Variants in TRPS1 observed in about 807,000 individuals in gnomAD.
TRPS1 encodes zinc finger transcription factor Trps1.
TRPS1 carries 6 observed loss-of-function variants against 101.2 expected under a neutral mutation model. That is an observed-to-expected ratio of 0.06 (90% confidence interval 0.03 to 0.12). The LOEUF (loss-of-function observed/expected upper bound fraction) is 0.12. Ranked by LOEUF, TRPS1 falls within the 10% of genes least tolerant of loss-of-function variation. TRPS1 has a pLI of 1.00. For synonymous variants in TRPS1, 578 were observed against 589.8 expected (o/e 0.98, Z 0.29); for missense variants, 1,363 against 1,567.0 (o/e 0.87, Z 2.20).
chr8:115,418,918 T>C lies in TRPS1; in HGVS notation c.2701-466A>G, dbSNP rs544556921. ...TAAACTTGATTTGTGTGTTTTTGTA[T>C]GTCATTCATGTAACGTAAGTATTAC... On this transcript the variant is annotated intron_variant, in intron 5 of 6. Coordinates refer to ENST00000395715, the MANE Select transcript of TRPS1 (RefSeq NM_014112.5). The surrounding 1 kb of genome is among the most constrained non-coding windows in gnomAD (Gnocchi z 4.3). Among the ~76,000 whole-genome samples, 2 of 152,374 alleles carry C rather than the reference T, an allele frequency of 1.3e-5. No individual in the cohort carries two copies. The highest frequency in any genetic ancestry group is 4.1e-4 in the South Asian group (2 of 4,834).
chr8:115,546,061 T>C (rs1816562966), intron 5 of TRPS1, among the ~76,000 whole-genome samples: 1 of 152,082 alleles, frequency 6.6e-6, no homozygotes, highest in Non-Finnish European at 1.5e-5. Flanking sequence ...CTTTTCAAAT[T>C]GTCCACATTG....
chr8:115,443,692 C>T (rs1406621836), intron 5 of TRPS1, among the ~76,000 whole-genome samples: 6 of 152,128 alleles, frequency 3.9e-5, no homozygotes, highest in Non-Finnish European at 7.3e-5. Context: ...TAATGACATC[C>T]ACCTAGCAGG....
chr8:115,576,914 C>T (rs1463865774), intron 5 of TRPS1, among the ~76,000 whole-genome samples: 1 of 152,132 alleles, frequency 6.6e-6, no homozygotes, highest in Non-Finnish European at 1.5e-5. Flanking sequence ...ACTGTCCATC[C>T]AGACAATTTA....
At chr8:115,529,164 A>C (rs189333227) in intron 5 of TRPS1, among the ~76,000 whole-genome samples, 1 of 152,214 alleles carries the variant, frequency 6.6e-6, no homozygotes, top group Admixed American at 6.6e-5. Context: ...CTGATTGGCT[A>C]TCAGGTAAGA....
intron 4 of TRPS1, among the ~76,000 whole-genome samples, chr8:115,588,094 G>A (rs918614388): frequency 2.6e-5 from 4 of 151,962 alleles, no homozygotes; most frequent in African/African-American, 9.7e-5. Flanking sequence ...ACTAAATTGA[G>A]GATTTTTCCC....
Position 115,414,688 on chromosome 8 carries a change from T to A in TRPS1, c.3220A>T (p.Ser1074Cys). The change falls in exon 7 of 7, where the codon AGT (serine) becomes TGT (cysteine). Residue 1074 changes from serine (S) to cysteine (C), a missense_variant. This residue lies in a region of TRPS1 where 307 missense variants were observed against 392.4 expected (regional missense o/e 0.78). Transcript: ENST00000395715. This position sits in a 1 kb window ranked among gnomAD's most constrained non-coding sequence, Gnocchi z 4.8. Reference protein sequence around the residue: ...NSSSVSEGKGSSERGSPIEKY... With the variant: ...NSSSVSEGKGCSERGSPIEKY... Reference sequence around the variant, plus strand: ...TCTATAGGACTGCCTCTCTCAGAACTTCCTTTCCCTTCAGATACGGATGAA... The same window carrying A: ...TCTATAGGACTGCCTCTCTCAGAACATCCTTTCCCTTCAGATACGGATGAA... 2 of 1,614,064 alleles carry A rather than the reference T, an allele frequency of 1.2e-6. No individual in the cohort carries two copies. The highest frequency in any genetic ancestry group is 1.7e-6 in the Non-Finnish European group (2 of 1,179,944).
At chr8:115,601,394 T>C (rs1211192171) in intron 4 of TRPS1, among the ~76,000 whole-genome samples, 1 of 152,184 alleles carries the variant, frequency 6.6e-6, no homozygotes, top group Non-Finnish European at 1.5e-5. Flanking sequence ...CACGTGACTA[T>C]GTTCTTTCAC....
rs192043252 is a variant in TRPS1, at chr8:115,432,892, C to T, written c.2701-14440G>A. On this transcript the variant is annotated intron_variant, in intron 5 of 6. Coordinates refer to ENST00000395715, the MANE Select transcript of TRPS1 (RefSeq NM_014112.5). ...CTGTGCTATTCTTTCTTGAACTTGA[C>T]TTTTTTTTTTTCTTAATGATGAAAA... Among the ~76,000 whole-genome samples, 367 of 146,276 alleles carry T rather than the reference C, an allele frequency of 2.5e-3. 2 individuals carry two copies. The highest frequency in any genetic ancestry group is 8.6e-3 in the Admixed American group (125 of 14,582).
At chr8:115,576,458 ATTG>A in intron 5 of TRPS1, among the ~76,000 whole-genome samples, 1 of 152,100 alleles carries the variant, frequency 6.6e-6, no homozygotes, top group Non-Finnish European at 1.5e-5. Flanking sequence ...TGACTCTGCA[ATTG>A]TAAAGAGATT....
intron 1 of TRPS1, among the ~76,000 whole-genome samples, chr8:115,635,172 A>T (rs1435253409): frequency 6.6e-6 from 1 of 152,184 alleles, no homozygotes; most frequent in Non-Finnish European, 1.5e-5. Context: ...CTTTGATGCA[A>T]TAAGTTAGAA....
intron 5 of TRPS1, among the ~76,000 whole-genome samples, chr8:115,509,289 T>G (rs1208225022): frequency 6.6e-6 from 1 of 152,058 alleles, no homozygotes; most frequent in African/African-American, 2.4e-5. Context: ...AGGCTTCTAT[T>G]TATTCATTTA....
chr8:115,664,081 A>G (rs1811869623), intron 1 of TRPS1, among the ~76,000 whole-genome samples: 1 of 152,130 alleles, frequency 6.6e-6, no homozygotes, highest in South Asian at 2.1e-4. Context: ...TTTTATACAA[A>G]CAAATGACTT....
intron 4 of TRPS1, 81 bp downstream of exon 4, chr8:115,603,792 T>C (rs1817962258): frequency 6.6e-7 from 1 of 1,519,864 alleles, no homozygotes; most frequent in African/African-American, 1.4e-5. Context: ...TCTCAACAAT[T>C]CCCGGTTCAG....
intron 5 of TRPS1, among the ~76,000 whole-genome samples, chr8:115,546,631 T>A (rs1404162948): frequency 6.7e-6 from 1 of 149,730 alleles, no homozygotes; most frequent in South Asian, 2.1e-4. Flanking sequence ...GAGGTTTTAG[T>A]GTTTAACTAA....
At chr8:115,525,494 A>G (rs1311896877) in intron 5 of TRPS1, among the ~76,000 whole-genome samples, 2 of 152,144 alleles carry the variant, frequency 1.3e-5, no homozygotes, top group African/African-American at 4.8e-5. Context: ...GTGGTGGGAC[A>G]GGCAGCAGAA....
At chr8:115,534,127 G>A (rs1053519991) in intron 5 of TRPS1, among the ~76,000 whole-genome samples, 3 of 151,740 alleles carry the variant, frequency 2.0e-5, no homozygotes, top group Non-Finnish European at 1.5e-5. Flanking sequence ...TCACACTGGA[G>A]GCTGAAGCTC....
intron 5 of TRPS1, among the ~76,000 whole-genome samples, chr8:115,578,139 C>T (rs1051476283): frequency 1.3e-5 from 2 of 152,156 alleles, no homozygotes; most frequent in Non-Finnish European, 1.5e-5. Flanking sequence ...TACCTTGTAT[C>T]GGACATGTAC....
At position 115,604,896 on chromosome 8, in the gene TRPS1, T is replaced by C. The variant is rs1818002020; in HGVS notation, c.1073A>G (p.Asn358Ser). ...CKFCNFTYMG[N>S]SSTELEQHFL... ...ATGTTGTTCTAATTCGGTGGATGAG[T>C]TGCCCATATAAGTGAAATTGCAGAA... Residue 358 changes from asparagine (N) to serine (S), a missense_variant, in exon 4 of 7, where the codon AAC becomes AGC. By Grantham distance (46) the Asn-to-Ser change is conservative. Coordinates refer to ENST00000395715, the MANE Select transcript of TRPS1 (RefSeq NM_014112.5). This position sits in a 1 kb window ranked among gnomAD's most constrained non-coding sequence, Gnocchi z 4.1. 1.9e-6 allele frequency: 3 copies of C among 1,614,018 alleles called. No individual in the cohort carries two copies. The highest frequency in any genetic ancestry group is 2.5e-6 in the Non-Finnish European group (3 of 1,179,978).
intron 5 of TRPS1, among the ~76,000 whole-genome samples, chr8:115,575,478 CT>C (rs1817297654): frequency 6.6e-6 from 1 of 152,026 alleles, no homozygotes; most frequent in African/African-American, 2.4e-5. Flanking sequence ...ACGTTGAAAA[CT>C]TATTTTCTTC....
Sources: allele counts gnomAD v4.1 joint callset (sites outside exome capture counted in the v4.1 genomes callset), GRCh38; gene constraint gnomAD v4.1.1; regional missense constraint gnomAD v4.1.1; non-coding constraint Gnocchi (gnomAD v3.1); transcripts MANE v1.5; gene names NCBI Gene and HGNC (gene_info 2026-07-23, HGNC 2026-07-21).